CIMIP6: variants seen among roughly 807,000 people sequenced by gnomAD.
CIMIP6 encodes ciliary microtubule inner protein 6, also known as uncharacterized protein C2orf73.
chr2:54,375,555 T>A, the CIMIP6 span, among the ~76,000 whole-genome samples: 1 of 152,226 alleles, frequency 6.6e-6, no homozygotes, highest in South Asian at 2.1e-4. Context: ...ACAAAAGTTA[T>A]CAAAATTGTA....
At chr2:54,365,729 A>T in the CIMIP6 span, among the ~76,000 whole-genome samples, 1 of 152,208 alleles carries the variant, frequency 6.6e-6, no homozygotes, top group African/African-American at 2.4e-5. Context: ...TTTATAAATT[A>T]AACAAAAAGT....
At chr2:54,331,806 G>C in the CIMIP6 span, among the ~76,000 whole-genome samples, 3 of 152,112 alleles carry the variant, frequency 2.0e-5, no homozygotes, top group African/African-American at 7.2e-5. Flanking sequence ...CAGCTAGTTA[G>C]GAATGATGTG....
At chr2:54,384,102 C>G in the CIMIP6 span, among the ~76,000 whole-genome samples, 3 of 152,228 alleles carry the variant, frequency 2.0e-5, no homozygotes, top group East Asian at 5.8e-4. Context: ...CTAAGACAAA[C>G]ATGAAATGAG....
At chr2:54,381,991 T>G in the CIMIP6 span, 1 of 1,532,152 alleles carries the variant, frequency 6.5e-7, no homozygotes, top group Non-Finnish European at 8.8e-7. Context: ...TCACAGTAAG[T>G]ATTAGCAGTT....
chr2:54,353,396 T>TA, the CIMIP6 span, among the ~76,000 whole-genome samples: 77 of 152,188 alleles, frequency 5.1e-4, no homozygotes, highest in African/African-American at 1.5e-3. Context: ...CAGGCCAGGT[T>TA]AAATAGTGAC....
the CIMIP6 span, among the ~76,000 whole-genome samples, chr2:54,368,482 G>A: frequency 1.3e-4 from 20 of 152,210 alleles, no homozygotes; most frequent in Non-Finnish European, 2.9e-4. Flanking sequence ...TGCAATAAAG[G>A]ATTAATCTGG....
At chr2:54,331,720 T>C in the CIMIP6 span, among the ~76,000 whole-genome samples, 2 of 151,482 alleles carry the variant, frequency 1.3e-5, no homozygotes, top group African/African-American at 4.9e-5. Context: ...TGGGGCTCAA[T>C]AATCTGGCTT....
At chr2:54,378,256 G>A in the CIMIP6 span, among the ~76,000 whole-genome samples, 1 of 152,180 alleles carries the variant, frequency 6.6e-6, no homozygotes, top group Non-Finnish European at 1.5e-5. Flanking sequence ...GGTTTGTGGT[G>A]ATAATATTCC....
chr2:54,344,001 CA>C, the CIMIP6 span: 2 of 838,952 alleles, frequency 2.4e-6, no homozygotes, highest in Non-Finnish European at 3.4e-6. Flanking sequence ...AATACACACA[CA>C]GCAAATACAG....
At chr2:54,343,681 C>T in the CIMIP6 span, 1 of 1,484,268 alleles carries the variant, frequency 6.7e-7, no homozygotes, top group Non-Finnish European at 9.0e-7. Context: ...AAATGCCCTA[C>T]AGTATCCAAT....
At chr2:54,372,622 A>AGCAGTCTTGGCAGAGTCCAGCCT in the CIMIP6 span, among the ~76,000 whole-genome samples, 1 of 152,184 alleles carries the variant, frequency 6.6e-6, no homozygotes, top group African/African-American at 2.4e-5. Flanking sequence ...CATGCCAACC[A>AGCAGTCTTGGCAGAGTCCAGCCT]GCAGTCTTGG....
the CIMIP6 span, among the ~76,000 whole-genome samples, chr2:54,357,658 C>G: frequency 6.6e-6 from 1 of 151,506 alleles, no homozygotes; most frequent in Admixed American, 6.6e-5. Context: ...CTCACTGGAA[C>G]CTCTGCCTCC....
chr2:54,376,920 G>A, the CIMIP6 span, among the ~76,000 whole-genome samples: 1 of 152,202 alleles, frequency 6.6e-6, no homozygotes, highest in Non-Finnish European at 1.5e-5. Context: ...CTACCTTCCA[G>A]GATCACTGTG....
the CIMIP6 span, among the ~76,000 whole-genome samples, chr2:54,362,703 C>T: frequency 1.3e-5 from 2 of 152,100 alleles, no homozygotes; most frequent in African/African-American, 2.4e-5. Context: ...TGCACCAACA[C>T]ACCTGGCTAA....
At chr2:54,376,013 T>C in the CIMIP6 span, among the ~76,000 whole-genome samples, 1 of 152,170 alleles carries the variant, frequency 6.6e-6, no homozygotes, top group Non-Finnish European at 1.5e-5. Context: ...TTAAAATTTT[T>C]ACAGTGACAA....
chr2:54,355,718 T>C, the CIMIP6 span, among the ~76,000 whole-genome samples: 4 of 152,146 alleles, frequency 2.6e-5, no homozygotes, highest in African/African-American at 9.7e-5. Context: ...GACCATGTAT[T>C]TTTTTGTTTC....
chr2:54,345,796 G>A, the CIMIP6 span, among the ~76,000 whole-genome samples: 1 of 152,070 alleles, frequency 6.6e-6, no homozygotes, highest in East Asian at 1.9e-4. Context: ...GTGTGAAGGG[G>A]AAAAATATGC....
At chr2:54,366,781 T>A in the CIMIP6 span, among the ~76,000 whole-genome samples, 1 of 151,784 alleles carries the variant, frequency 6.6e-6, no homozygotes, top group South Asian at 2.1e-4. Context: ...CATGCTAAAA[T>A]AAACTATAAG....
chr2:54,371,317 G>T, the CIMIP6 span, among the ~76,000 whole-genome samples: 8 of 152,230 alleles, frequency 5.3e-5, no homozygotes, highest in Non-Finnish European at 1.0e-4. Context: ...CCCTGCAGGT[G>T]CCACCACTGG....
Sources: allele counts gnomAD v4.1 joint callset (sites outside exome capture counted in the v4.1 genomes callset), GRCh38; gene constraint gnomAD v4.1.1; transcripts MANE v1.5; gene names NCBI Gene and HGNC (gene_info 2026-07-23, HGNC 2026-07-21).